The following NEDD9 variants were observed in gnomAD, a reference collection of about 807,000 sequenced individuals.
NEDD9 encodes enhancer of filamentation 1.
A neutral mutation model predicts 76.6 loss-of-function variants in NEDD9; 26 were observed. The observed-to-expected ratio is 0.34, with a 90% CI of 0.25 to 0.47. The LOEUF is 0.47. Ranked by LOEUF, NEDD9 falls within the 20% of genes least tolerant of loss-of-function variation. The pLI is 1.00. For synonymous variants in NEDD9, 392 were observed against 414.2 expected, an observed-to-expected ratio of 0.95 and a Z score of 0.65; for missense variants, 937 against 1,058.5, an observed-to-expected ratio of 0.89 and a Z score of 1.59.
chr6:11,189,178 C>A (rs546423085), intron 5 of NEDD9, among the ~76,000 whole-genome samples: 1 of 152,208 alleles, frequency 6.6e-6, no homozygotes, highest in Admixed American at 6.5e-5. Context: ...AACTCCTGAC[C>A]TTGTGATCCA....
chr6:11,287,315 A>C (rs4711225), intron 3 of NEDD9, among the ~76,000 whole-genome samples: 26,828 of 152,022 alleles, frequency 0.18, 2,539 homozygotes, highest in African/African-American at 0.25. Flanking sequence ...GTAATCCCAG[A>C]CGCTCAGGAG....
rs1759703441 is a variant in NEDD9 at position 11,241,320 on chromosome 6, T to C, written c.13-27593A>G. 6.6e-6 allele frequency among the ~76,000 whole-genome samples: 1 copy of C among 152,254 alleles called. No homozygotes were observed. The highest frequency in any genetic ancestry group is 2.1e-4 in the South Asian group (1 of 4,832). On this transcript the variant is annotated intron_variant, in intron 3 of 3. Transcript: ENST00000397378. This position sits in a 1 kb window ranked among gnomAD's most constrained non-coding sequence, Gnocchi z 4.0. ...ATTTGAAAAGTCTTCCTGACTTCTC[T>C]GGCATACACTTTCTATGTGATGTCA...
At chr6:11,376,768 C>T (rs1374630248) in intron 1 of NEDD9, among the ~76,000 whole-genome samples, 1 of 152,190 alleles carries the variant, frequency 6.6e-6, no homozygotes, top group East Asian at 1.9e-4. Flanking sequence ...GAGAGATGAG[C>T]ATAACTAAAA....
chr6:11,268,530 C>T (rs1760242237), intron 3 of NEDD9, among the ~76,000 whole-genome samples: 1 of 152,074 alleles, frequency 6.6e-6, no homozygotes, highest in Non-Finnish European at 1.5e-5. Flanking sequence ...GAGTTTGAGA[C>T]CAGCCTGGCC....
chr6:11,364,672 T>C (rs1434553344), intron 1 of NEDD9, among the ~76,000 whole-genome samples: 1 of 149,736 alleles, frequency 6.7e-6, no homozygotes, highest in Non-Finnish European at 1.5e-5. Context: ...GTTCACTCAG[T>C]ACATATTAAG....
chr6:11,295,253 C>T (rs944357966), intron 3 of NEDD9, among the ~76,000 whole-genome samples: 1 of 152,038 alleles, frequency 6.6e-6, no homozygotes, highest in Non-Finnish European at 1.5e-5. Flanking sequence ...GGTTCTCTGC[C>T]CATTTATTTA....
chr6:11,249,629 G>A (rs779952769), intron 3 of NEDD9, among the ~76,000 whole-genome samples: 4 of 152,176 alleles, frequency 2.6e-5, no homozygotes, highest in Non-Finnish European at 5.9e-5. Flanking sequence ...CATGACTAAG[G>A]AAGAGGAGAA....
intron 3 of NEDD9, among the ~76,000 whole-genome samples, chr6:11,282,630 G>A (rs140572548): frequency 6.6e-6 from 1 of 152,284 alleles, no homozygotes; most frequent in East Asian, 1.9e-4. Context: ...CAATTTTAGA[G>A]TCATTTTTTA....
At chr6:11,323,379 C>T (rs985870460) in intron 2 of NEDD9, among the ~76,000 whole-genome samples, 4 of 152,210 alleles carry the variant, frequency 2.6e-5, no homozygotes, top group African/African-American at 4.8e-5. Context: ...CAAAGACAAC[C>T]ATTCCAGCTG....
intron 3 of NEDD9, chr6:11,251,532 T>C (rs1009608645): frequency 4.6e-5 from 7 of 152,200 alleles, no homozygotes; most frequent in Admixed American, 2.6e-4. Context: ...ATCTCAGTTT[T>C]GGTTGTGAGA....
chr6:11,360,848 T>A (rs958682943), intron 1 of NEDD9, among the ~76,000 whole-genome samples: 2 of 152,212 alleles, frequency 1.3e-5, no homozygotes, highest in African/African-American at 4.8e-5. Flanking sequence ...CATGCAGAAT[T>A]CAAGAAACAA....
At chr6:11,376,617 A>C (rs1762972128) in intron 1 of NEDD9, among the ~76,000 whole-genome samples, 1 of 152,218 alleles carries the variant, frequency 6.6e-6, no homozygotes, top group Non-Finnish European at 1.5e-5. Flanking sequence ...AGCAACCTAA[A>C]TCAGATATGG....
chr6:11,272,778 GAA>G (rs747593636), intron 3 of NEDD9, among the ~76,000 whole-genome samples: 1 of 152,208 alleles, frequency 6.6e-6, no homozygotes, highest in Non-Finnish European at 1.5e-5. Flanking sequence ...GCCGCAGTTG[GAA>G]GCATCATTTC....
At chr6:11,330,124 A>G (rs1311674268) in intron 2 of NEDD9, among the ~76,000 whole-genome samples, 1 of 152,170 alleles carries the variant, frequency 6.6e-6, no homozygotes, top group Admixed American at 6.5e-5. Flanking sequence ...TTAAATTGTA[A>G]TCGTCCCATG....
At chr6:11,270,189 A>G (rs1760274096) in intron 3 of NEDD9, among the ~76,000 whole-genome samples, 1 of 152,250 alleles carries the variant, frequency 6.6e-6, no homozygotes, top group South Asian at 2.1e-4. Context: ...TCTCCTGATG[A>G]AAGGGGTTTG....
intron 2 of NEDD9, among the ~76,000 whole-genome samples, chr6:11,323,945 C>T (rs1055860153): frequency 2.6e-5 from 4 of 152,154 alleles, no homozygotes; most frequent in Non-Finnish European, 4.4e-5. Flanking sequence ...TACAGGGCAG[C>T]GGGGAGGTTG....
chr6:11,205,935 G>A (rs773477652), intron 2 of NEDD9, among the ~76,000 whole-genome samples: 2 of 152,096 alleles, frequency 1.3e-5, no homozygotes, highest in Admixed American at 6.5e-5. Flanking sequence ...ACCTACATCC[G>A]ACTTTTGAGG....
intron 2 of NEDD9, among the ~76,000 whole-genome samples, chr6:11,194,766 C>T (rs567658615): frequency 1.1e-4 from 17 of 152,292 alleles, no homozygotes; most frequent in Admixed American, 4.6e-4. Context: ...GGAACCAGTG[C>T]CAATAAAATG....
rs116016677 is a variant in NEDD9, at chr6:11,337,369, G to C, written c.-213-2808C>G. Among the ~76,000 whole-genome samples, 811 of 152,240 alleles carry C rather than the reference G, an allele frequency of 5.3e-3. 8 individuals are homozygous for C. The highest frequency in any genetic ancestry group is 0.018 in the African/African-American group (762 of 41,530). On this transcript the variant is annotated intron_variant, in intron 1 of 3. Coordinates refer to the NEDD9 transcript ENST00000397378. ...AGTATACTATAGTAAAAACAAACTA[G>C]TAAAATAGTAATTCACTATCATCAA...
Sources: gnomAD v4.1 joint callset for allele counts (sites outside exome capture counted in the v4.1 genomes callset) on GRCh38, gnomAD v4.1.1 for gene constraint, Gnocchi (gnomAD v3.1) non-coding constraint, MANE v1.5 for transcripts, NCBI Gene and HGNC (gene_info 2026-07-23, HGNC 2026-07-21) for gene names.